Variants in UBAC2 observed in about 807,000 individuals in gnomAD.
UBAC2 encodes UBA domain containing 2.
Under a neutral mutation model 44.0 loss-of-function variants are expected in UBAC2, and 26 were observed. The ratio of observed to expected loss-of-function variants is 0.59; its 90% confidence interval spans 0.43 to 0.82. The LOEUF is 0.82. UBAC2 is among the 40% of genes least tolerant of loss of function. The pLI, the probability that UBAC2 is intolerant of heterozygous loss-of-function variation, is 0.00. For synonymous variants in UBAC2, 155 were observed against 154.3 expected, an observed-to-expected ratio of 1.00 and a Z score of -0.04; for missense variants, 329 against 419.4, an observed-to-expected ratio of 0.78 and a Z score of 1.88.
intron 8 of UBAC2, among the ~76,000 whole-genome samples, chr13:99,384,049 C>A (rs1319288382): frequency 6.6e-6 from 1 of 152,228 alleles, no homozygotes; most frequent in Non-Finnish European, 1.5e-5. Context: ...CAGGCCCATG[C>A]CCGGCCCCTC....
intron 6 of UBAC2, among the ~76,000 whole-genome samples, chr13:99,327,183 C>T (rs1210983310): frequency 6.6e-6 from 1 of 152,076 alleles, no homozygotes; most frequent in Admixed American, 6.6e-5. Context: ...TTGTCATACT[C>T]AATCTGAAGT....
chr13:99,356,043 A>G (rs2045176036), intron 7 of UBAC2: 1 of 426,208 alleles, frequency 2.3e-6, no homozygotes, highest in Non-Finnish European at 5.2e-6. Context: ...CCTATGTCAC[A>G]GTAAGATCAG....
At chr13:99,265,595 C>T (rs1181071473) in intron 4 of UBAC2, among the ~76,000 whole-genome samples, 1 of 152,184 alleles carries the variant, frequency 6.6e-6, no homozygotes, top group African/African-American at 2.4e-5. Flanking sequence ...TTTTCTTCTT[C>T]TTGTTCTCGT....
At chr13:99,247,577 G>T (rs915900004) in intron 4 of UBAC2, among the ~76,000 whole-genome samples, 1 of 152,000 alleles carries the variant, frequency 6.6e-6, no homozygotes, top group Non-Finnish European at 1.5e-5. Flanking sequence ...CACACACTGG[G>T]GCTGTCTATG....
At chr13:99,241,278 A>AG (rs1267525145) in intron 2 of UBAC2, among the ~76,000 whole-genome samples, 45 of 152,046 alleles carry the variant, frequency 3.0e-4, no homozygotes, top group African/African-American at 1.1e-3. Context: ...AAAAAAAAAA[A>AG]AAAAAGAAAA....
intron 1 of UBAC2, among the ~76,000 whole-genome samples, chr13:99,208,118 C>G (rs960341846): frequency 2.0e-5 from 3 of 151,884 alleles, no homozygotes; most frequent in African/African-American, 7.3e-5. Flanking sequence ...CTGCCTCAGC[C>G]CCCCAAGTAG....
chr13:99,203,512 G>A (rs1201652773), intron 1 of UBAC2, among the ~76,000 whole-genome samples: 4 of 152,180 alleles, frequency 2.6e-5, no homozygotes, highest in Non-Finnish European at 5.9e-5. Flanking sequence ...ACGTTTTGTG[G>A]TTAGTAGATA....
chr13:99,276,173 C>A lies in UBAC2; in HGVS notation c.389+31549C>A, dbSNP rs896771077. 2.6e-5 allele frequency among the ~76,000 whole-genome samples: 4 copies of A among 152,188 alleles called. No individual in the cohort carries two copies. In the East Asian group the frequency reaches 7.7e-4, roughly 29 times the overall value. Reference sequence around the variant, plus strand: ...AGGCAGTGAGGGGTGTTTTCCAACGCTAACAAGTAGTACTCCAGTTCTTCT... The same window carrying A: ...AGGCAGTGAGGGGTGTTTTCCAACGATAACAAGTAGTACTCCAGTTCTTCT... On this transcript the variant is annotated intron_variant, in intron 4 of 8. Transcript: ENST00000403766.
At chr13:99,216,327 A>G (rs2042995214) in intron 1 of UBAC2, among the ~76,000 whole-genome samples, 1 of 151,612 alleles carries the variant, frequency 6.6e-6, no homozygotes, top group Non-Finnish European at 1.5e-5. Context: ...CTGGTCTCAA[A>G]CTCCTGAACT....
At chr13:99,287,469 G>T (rs1289996888) in intron 4 of UBAC2, among the ~76,000 whole-genome samples, 1 of 151,828 alleles carries the variant, frequency 6.6e-6, no homozygotes, top group East Asian at 1.9e-4. Flanking sequence ...CTCTCACCCA[G>T]GCTGAAGTGC....
At position 99,362,936 on chromosome 13, in the gene UBAC2, G is replaced by A. The variant is rs190718844; in HGVS notation, c.808-4851G>A. 3.3e-3 allele frequency among the ~76,000 whole-genome samples: 503 copies of A among 152,184 alleles called. 4 individuals are homozygous for A. Among genetic ancestry groups the A allele is most frequent in the African/African-American group, 0.011 (459 of 41,516 alleles). On this transcript the variant is annotated intron_variant, in intron 7 of 8. Transcript: ENST00000403766. ...CTTTTTTCATTGTGATTTATACTTC[G>A]TATTTCTGTTTTAGATATCCTTTCC...
chr13:99,269,562 T>G (rs1171093634), intron 4 of UBAC2, among the ~76,000 whole-genome samples: 2 of 152,228 alleles, frequency 1.3e-5, no homozygotes, highest in Admixed American at 6.5e-5. Context: ...AGAAAGTCTT[T>G]ATAAATACTT....
At chr13:99,221,587 TTTTTGTTCCTA>T (rs1454451093) in intron 1 of UBAC2, among the ~76,000 whole-genome samples, 2 of 152,220 alleles carry the variant, frequency 1.3e-5, no homozygotes, top group African/African-American at 2.4e-5. Context: ...GTAAGCTGGT[TTTTTGTTCCTA>T]TTTCTGTGTT....
intron 1 of UBAC2, among the ~76,000 whole-genome samples, chr13:99,226,189 G>T (rs927239743): frequency 6.6e-6 from 1 of 152,184 alleles, no homozygotes; most frequent in African/African-American, 2.4e-5. Context: ...GTGAAGGCTT[G>T]GGGGAGCATA....
intron 4 of UBAC2, among the ~76,000 whole-genome samples, chr13:99,297,706 A>G (rs2138722839): frequency 1.3e-5 from 2 of 152,240 alleles, no homozygotes; most frequent in East Asian, 1.9e-4. Context: ...AAAACAAAGA[A>G]TGAGGATGGT....
intron 4 of UBAC2, among the ~76,000 whole-genome samples, chr13:99,251,381 G>T (rs1399741123): frequency 6.6e-6 from 1 of 152,090 alleles, no homozygotes; most frequent in Admixed American, 6.5e-5. Flanking sequence ...TTGCCTAGTT[G>T]CTCTGGCTAG....
intron 7 of UBAC2, among the ~76,000 whole-genome samples, chr13:99,362,290 C>G (rs542017739): frequency 6.6e-6 from 1 of 152,070 alleles, no homozygotes; most frequent in Non-Finnish European, 1.5e-5. Flanking sequence ...TCCTTAGGAA[C>G]AACTGAATTT....
At position 99,295,605 on chromosome 13, in the gene UBAC2, A is replaced by G; in HGVS notation, c.390-18492A>G. 6.2e-7 allele frequency: 1 copy of G among 1,614,150 alleles called. No homozygotes were observed. The highest frequency in any genetic ancestry group is 8.5e-7 in the Non-Finnish European group (1 of 1,180,026). On this transcript the variant is annotated intron_variant, in intron 4 of 8. Coordinates refer to ENST00000403766, the MANE Select transcript of UBAC2 (RefSeq NM_001144072.2). The surrounding 1 kb of genome is among the most constrained non-coding windows in gnomAD (Gnocchi z 4.1). ...TCTTCAAAGTTTGGATACTCCATGC[A>G]TGTAATCCTTTCAGCCTCCTGCTTT...
chr13:99,221,318 T>C (rs902063727), intron 1 of UBAC2, among the ~76,000 whole-genome samples: 1 of 152,238 alleles, frequency 6.6e-6, no homozygotes, highest in African/African-American at 2.4e-5. Flanking sequence ...ACATTTACTT[T>C]TGTTACACAG....
Sources: gnomAD v4.1 joint callset for allele counts (sites outside exome capture counted in the v4.1 genomes callset) on GRCh38, gnomAD v4.1.1 for gene constraint, Gnocchi (gnomAD v3.1) non-coding constraint, MANE v1.5 for transcripts, NCBI Gene and HGNC (gene_info 2026-07-23, HGNC 2026-07-21) for gene names.